The following TAFA4 variants were observed in gnomAD, a reference collection of about 807,000 sequenced individuals.
TAFA4 encodes TAFA chemokine like family member 4.
In TAFA4, 20 loss-of-function variants were observed where a neutral mutation model predicts 21.1. The observed-to-expected ratio is 0.95, with a 90% confidence interval of 0.67 to 1.38. The LOEUF is 1.38. Ranked by LOEUF, TAFA4 falls within the 40% of genes most tolerant of loss-of-function variation. The pLI, the probability that TAFA4 is intolerant of heterozygous loss-of-function variation, is 0.00. For missense variants in TAFA4, 211 were observed against 180.9 expected, an observed-to-expected ratio of 1.17 and a Z score of -0.95; for synonymous variants, 71 against 67.4, an observed-to-expected ratio of 1.05 and a Z score of -0.26.
chr3:68,902,055 A>G (rs2089848388), intron 1 of TAFA4, among the ~76,000 whole-genome samples: 1 of 152,240 alleles, frequency 6.6e-6, no homozygotes, highest in Non-Finnish European at 1.5e-5. Context: ...TAGAGCCTAT[A>G]TAAGAACTCT....
intron 2 of TAFA4, among the ~76,000 whole-genome samples, chr3:68,881,430 A>G (rs1007262975): frequency 6.6e-6 from 1 of 152,200 alleles, no homozygotes; most frequent in African/African-American, 2.4e-5. Context: ...AGTTGCTCAA[A>G]AACAATTCCG....
chr3:68,894,900 C>A (rs1038448189), intron 1 of TAFA4, among the ~76,000 whole-genome samples: 1 of 152,158 alleles, frequency 6.6e-6, no homozygotes, highest in South Asian at 2.1e-4. Flanking sequence ...TGTTGCCCAG[C>A]CTGGAGTGCA....
At chr3:68,864,984 A>G (rs898053681) in intron 3 of TAFA4, among the ~76,000 whole-genome samples, 1 of 152,160 alleles carries the variant, frequency 6.6e-6, no homozygotes, top group Non-Finnish European at 1.5e-5. Flanking sequence ...TGATTACAAA[A>G]GAGTATAAGG....
intron 3 of TAFA4, among the ~76,000 whole-genome samples, chr3:68,833,923 C>A (rs1704459877): frequency 6.6e-6 from 1 of 152,126 alleles, no homozygotes; most frequent in Non-Finnish European, 1.5e-5. Context: ...AAGTGTTGAC[C>A]AAAATGTGAA....
chr3:68,762,624 A>C (rs1010991191), intron 3 of TAFA4, among the ~76,000 whole-genome samples: 2 of 152,206 alleles, frequency 1.3e-5, no homozygotes, highest in African/African-American at 4.8e-5. Context: ...TGCCCACATA[A>C]AACTAGTCCC....
intron 4 of TAFA4, among the ~76,000 whole-genome samples, chr3:68,746,628 C>G (rs533891866): frequency 6.6e-6 from 1 of 150,906 alleles, no homozygotes; most frequent in Admixed American, 6.6e-5. Flanking sequence ...ACCCAGCTAA[C>G]AGGCATAAGA....
chr3:68,816,222 G>T (rs1703971580), intron 3 of TAFA4, among the ~76,000 whole-genome samples: 1 of 152,134 alleles, frequency 6.6e-6, no homozygotes, highest in Admixed American at 6.5e-5. Context: ...GTTAAGTGAC[G>T]AGTTAATGGG....
intron 4 of TAFA4, 67 bp from the exon 5 acceptor site, chr3:68,739,266 C>A (rs1702302183): frequency 1.3e-6 from 2 of 1,579,856 alleles, no homozygotes; most frequent in Non-Finnish European, 1.7e-6. Flanking sequence ...CAAAATAAAA[C>A]TCAATACAGA....
intron 1 of TAFA4, among the ~76,000 whole-genome samples, chr3:68,887,172 G>C (rs753989344): frequency 2.6e-5 from 4 of 152,166 alleles, no homozygotes; most frequent in Admixed American, 2.0e-4. Context: ...CATTCCAAAA[G>C]GGAGAAATAG....
At chr3:68,757,809 C>G (rs12629295) in intron 3 of TAFA4, among the ~76,000 whole-genome samples, 4,914 of 152,120 alleles carry the variant, frequency 0.032, 287 homozygotes, top group East Asian at 0.26. Flanking sequence ...ACTAATAGCA[C>G]CTTACAATTA....
chr3:68,754,030 T>G (rs1702613103), intron 3 of TAFA4, among the ~76,000 whole-genome samples: 1 of 152,086 alleles, frequency 6.6e-6, no homozygotes, highest in Non-Finnish European at 1.5e-5. Flanking sequence ...TTCACCCAGG[T>G]TCACCAGTTA....
chr3:68,762,031 G>A (rs1283048623), intron 3 of TAFA4, among the ~76,000 whole-genome samples: 3 of 151,880 alleles, frequency 2.0e-5, no homozygotes, highest in Non-Finnish European at 4.4e-5. Context: ...TAAGTCTGGA[G>A]TTCAAGAGAG....
At chr3:68,848,515 CT>C (rs1704865668) in intron 3 of TAFA4, among the ~76,000 whole-genome samples, 1 of 152,178 alleles carries the variant, frequency 6.6e-6, no homozygotes, top group Non-Finnish European at 1.5e-5. Flanking sequence ...TGTCAGCAGC[CT>C]TTTCAACCTA....
At chr3:68,840,551 G>T (rs971552283) in intron 3 of TAFA4, among the ~76,000 whole-genome samples, 3 of 152,124 alleles carry the variant, frequency 2.0e-5, no homozygotes, top group African/African-American at 4.8e-5. Flanking sequence ...TTTTTAAGTA[G>T]TCTCCCTGAG....
chr3:68,898,603 G>A (rs1326575967), intron 1 of TAFA4, among the ~76,000 whole-genome samples: 1 of 152,204 alleles, frequency 6.6e-6, no homozygotes, highest in African/African-American at 2.4e-5. Context: ...CCAAGATCGT[G>A]CCACTGCACT....
intron 1 of TAFA4, among the ~76,000 whole-genome samples, chr3:68,923,947 G>A (rs2090082607): frequency 1.3e-5 from 2 of 152,178 alleles, no homozygotes; most frequent in Non-Finnish European, 2.9e-5. Context: ...TTTTTCTAAT[G>A]CAAAGAAGGG....
chr3:68,808,418 C>CTTTCCAAA (rs1195235221), intron 3 of TAFA4, among the ~76,000 whole-genome samples: 1 of 152,200 alleles, frequency 6.6e-6, no homozygotes, highest in East Asian at 1.9e-4. Context: ...TATGCAAAAG[C>CTTTCCAAA]TTTCCAAATT....
At chr3:68,930,411 T>C (rs1384167026) in intron 1 of TAFA4, among the ~76,000 whole-genome samples, 1 of 152,198 alleles carries the variant, frequency 6.6e-6, no homozygotes, top group Non-Finnish European at 1.5e-5. Context: ...TTACTTATCT[T>C]TAGCAGGGAA....
intron 4 of TAFA4, among the ~76,000 whole-genome samples, chr3:68,748,442 T>A (rs181954725): frequency 3.0e-4 from 46 of 152,302 alleles, no homozygotes; most frequent in Admixed American, 2.2e-3. Flanking sequence ...ACTAAGTGAA[T>A]TGACATCTTG....
Sources: gnomAD v4.1 joint callset for allele counts (sites outside exome capture counted in the v4.1 genomes callset) on GRCh38, gnomAD v4.1.1 for gene constraint, MANE v1.5 for transcripts, NCBI Gene and HGNC (gene_info 2026-07-23, HGNC 2026-07-21) for gene names.